The following NCKAP5 variants were observed in gnomAD, a reference collection of about 807,000 sequenced individuals.
The protein encoded by NCKAP5 is nck-associated protein 5.
NCKAP5 carries 92 observed loss-of-function variants against 167.0 expected under a neutral mutation model. The observed-to-expected ratio is 0.55, with a 90% CI of 0.47 to 0.66. The LOEUF (loss-of-function observed/expected upper bound fraction) is 0.66, where lower values mean the gene tolerates loss of function less well. NCKAP5 is among the 30% of genes least tolerant of loss of function. The pLI is 0.00. For missense variants in NCKAP5, 2,378 were observed against 2,315.0 expected (o/e 1.03, Z -0.56); for synonymous variants, 891 against 877.4 (o/e 1.02, Z -0.27).
intron 8 of NCKAP5, among the ~76,000 whole-genome samples, chr2:132,894,397 T>A (rs755316263): frequency 1.3e-5 from 2 of 152,194 alleles, no homozygotes; most frequent in Non-Finnish European, 2.9e-5. Context: ...TAAAGTGCCA[T>A]GGGAGATTTT....
intron 6 of NCKAP5, among the ~76,000 whole-genome samples, chr2:133,129,102 T>A (rs938990628): frequency 5.0e-4 from 76 of 151,512 alleles, no homozygotes; most frequent in African/African-American, 1.6e-3. Context: ...CTTTTTTTTT[T>A]TTATTATTAT....
At chr2:132,681,671 T>C (rs984360301) in intron 19 of NCKAP5, among the ~76,000 whole-genome samples, 4 of 152,112 alleles carry the variant, frequency 2.6e-5, no homozygotes, top group Non-Finnish European at 4.4e-5. Context: ...TCCAATACCA[T>C]TGGAGATGGG....
intron 3 of NCKAP5, among the ~76,000 whole-genome samples, chr2:133,494,218 A>C (rs1438767868): frequency 6.6e-6 from 1 of 152,132 alleles, no homozygotes; most frequent in Non-Finnish European, 1.5e-5. Flanking sequence ...TTAAGTGTTC[A>C]TTCTCATATA....
intron 9 of NCKAP5, among the ~76,000 whole-genome samples, chr2:132,871,166 G>A (rs1690782580): frequency 6.6e-6 from 1 of 152,086 alleles, no homozygotes; most frequent in African/African-American, 2.4e-5. Flanking sequence ...ATTTATATGT[G>A]ATCACAACAG....
chr2:132,964,626 T>C (rs1257751188), intron 7 of NCKAP5, among the ~76,000 whole-genome samples: 1 of 152,172 alleles, frequency 6.6e-6, no homozygotes. Context: ...AGGATCCATT[T>C]TGTGCATGGA....
In NCKAP5 at chr2:132,825,604, T is replaced by C. The variant is rs1290923508; in HGVS notation, c.808-28875A>G. Among the ~76,000 whole-genome samples the C allele has an allele frequency of 2.0e-5, 3 of 152,156 alleles. No homozygotes were observed. In the East Asian group the frequency reaches 5.8e-4, roughly 29 times the overall value. ...CCATTTTAACAGAGGGCAAGTCATA[T>C]TATGGGAGAGGAAAGAGAACATTAG... On this transcript the variant is annotated intron_variant, in intron 11 of 19. Coordinates refer to ENST00000409261, the MANE Select transcript of NCKAP5 (RefSeq NM_207363.3).
intron 8 of NCKAP5, among the ~76,000 whole-genome samples, chr2:132,918,416 G>A (rs543632318): frequency 6.6e-6 from 1 of 152,208 alleles, no homozygotes; most frequent in African/African-American, 2.4e-5. Flanking sequence ...TTTCTCTCTT[G>A]CTAGAAAAGA....
chr2:133,251,239 G>C (rs1248241601), intron 4 of NCKAP5, among the ~76,000 whole-genome samples: 2 of 152,158 alleles, frequency 1.3e-5, no homozygotes, highest in East Asian at 3.9e-4. Context: ...AATCCTATGT[G>C]GTTTGGTATC....
At chr2:132,795,766 C>A (rs1284086256) in intron 12 of NCKAP5, among the ~76,000 whole-genome samples, 1 of 143,880 alleles carries the variant, frequency 7.0e-6, no homozygotes. Flanking sequence ...TTGCAGTGAG[C>A]TGAGATCGCG....
At chr2:133,231,920 C>T (rs1425699572) in intron 4 of NCKAP5, among the ~76,000 whole-genome samples, 1 of 152,158 alleles carries the variant, frequency 6.6e-6, no homozygotes, top group Admixed American at 6.5e-5. Flanking sequence ...AGAAGAAAGA[C>T]ATTTGCTAAA....
At position 133,169,124 on chromosome 2, in the gene NCKAP5, A is replaced by G. The variant is rs116510458; in HGVS notation, c.208-39013T>C. On this transcript the variant is annotated intron_variant, in intron 5 of 19. Transcript: ENST00000409261. ...CAGTAGCAGTGAATGTATAAAATAA[A>G]CATCATAAAGTGGGAAAAAGACTTC... Among the ~76,000 whole-genome samples the G allele has an allele frequency of 4.8e-3, 735 of 152,314 alleles. 12 individuals carry two copies. The highest frequency in any genetic ancestry group is 0.017 in the African/African-American group (691 of 41,570).
intron 4 of NCKAP5, among the ~76,000 whole-genome samples, chr2:133,236,067 G>C (rs1294672821): frequency 1.4e-4 from 3 of 21,764 alleles, no homozygotes; most frequent in African/African-American, 3.9e-4. Context: ...CCCTGTCTCA[G>C]ACCAAAAAAA....
At chr2:133,520,041 A>G (rs1684345091) in intron 2 of NCKAP5, among the ~76,000 whole-genome samples, 1 of 151,834 alleles carries the variant, frequency 6.6e-6, no homozygotes, top group South Asian at 2.1e-4. Flanking sequence ...AAAAAAAAAA[A>G]TTAGCTGGGC....
chr2:132,857,625 T>C (rs1689573804), intron 11 of NCKAP5, among the ~76,000 whole-genome samples: 1 of 152,180 alleles, frequency 6.6e-6, no homozygotes, highest in Non-Finnish European at 1.5e-5. Context: ...TGGATTTTGT[T>C]TGCTATCCCG....
At chr2:133,231,184 T>A (rs1302648139) in intron 4 of NCKAP5, among the ~76,000 whole-genome samples, 1 of 152,164 alleles carries the variant, frequency 6.6e-6, no homozygotes, top group Non-Finnish European at 1.5e-5. Flanking sequence ...TCAAAGAGGT[T>A]GAGTATTTTA....
chr2:132,919,805 T>G (rs983030522), intron 8 of NCKAP5, among the ~76,000 whole-genome samples: 1 of 152,206 alleles, frequency 6.6e-6, no homozygotes, highest in African/African-American at 2.4e-5. Flanking sequence ...AATTTAGGGC[T>G]TATATGAAAT....
chr2:133,224,420 G>C (rs1490822478), intron 4 of NCKAP5, among the ~76,000 whole-genome samples: 5 of 152,172 alleles, frequency 3.3e-5, no homozygotes, highest in African/African-American at 1.2e-4. Flanking sequence ...CTAATCGCAT[G>C]TTCCAGATCT....
chr2:132,860,656 A>G (rs1471221372), intron 10 of NCKAP5, 45 bp from the exon 11 acceptor site: 1 of 1,540,618 alleles, frequency 6.5e-7, no homozygotes, highest in Admixed American at 2.0e-5. Flanking sequence ...TAACTGAAAG[A>G]TGTCTTTGCA....
At chr2:132,695,325 T>C (rs1687200416) in intron 19 of NCKAP5, among the ~76,000 whole-genome samples, 1 of 152,148 alleles carries the variant, frequency 6.6e-6, no homozygotes, top group Admixed American at 6.5e-5. Flanking sequence ...AGTAAAAATC[T>C]TCAGAATAAA....
Sources: gnomAD v4.1 joint callset for allele counts (sites outside exome capture counted in the v4.1 genomes callset) on GRCh38, gnomAD v4.1.1 for gene constraint, MANE v1.5 for transcripts, NCBI Gene and HGNC (gene_info 2026-07-23, HGNC 2026-07-21) for gene names.